Variants in CRTC2 observed in about 807,000 individuals in gnomAD.
The protein encoded by CRTC2 is CREB-regulated transcription coactivator 2.
CRTC2 carries 25 observed loss-of-function variants against 70.9 expected under a neutral mutation model. The ratio of observed to expected loss-of-function variants is 0.35; its 90% CI spans 0.26 to 0.49. CRTC2 has a LOEUF of 0.49. Among genes scored for constraint, CRTC2 ranks in the 20% least tolerant of loss-of-function variants. The pLI, the probability that CRTC2 is intolerant of heterozygous loss-of-function variation, is 0.98. For missense variants in CRTC2, 737 were observed against 882.6 expected (o/e 0.83, Z 2.09); for synonymous variants, 330 against 364.1 (o/e 0.91, Z 1.07).
At chr1:153,950,434 G>T (rs561188765) in intron 11 of CRTC2, among the ~76,000 whole-genome samples, 1 of 152,196 alleles carries the variant, frequency 6.6e-6, no homozygotes, top group Admixed American at 6.5e-5. Context: ...CAAAAGAGGG[G>T]ACCTGAGTAA....
intron 1 of CRTC2, 101 bp downstream of exon 1, chr1:153,958,244 G>C (rs893980480): frequency 2.3e-5 from 34 of 1,508,596 alleles, no homozygotes; most frequent in African/African-American, 2.8e-5. Context: ...CCCCTGCTCT[G>C]TTCCGCCTCC....
rs1042624658 is a variant in CRTC2, at chr1:153,951,439, G to A, written c.1225C>T (p.Pro409Ser). The part of the protein sequence containing the change: ...SSSSSSSTSS[P>S]VLGAPSYPAS... Reference sequence around the variant, plus strand: ...GGGTAAGAGGGGGCGCCCAAAACAGGAGATGAAGTGGAGGAGGAGGAAGAG... The same window carrying A: ...GGGTAAGAGGGGGCGCCCAAAACAGAAGATGAAGTGGAGGAGGAGGAAGAG... Residue 409 changes from proline (P) to serine (S), a missense_variant, in exon 11 of 14, where the codon CCT becomes TCT. Coordinates refer to ENST00000368633, the MANE Select transcript of CRTC2 (RefSeq NM_181715.3). 9 of 1,603,444 alleles carry A rather than the reference G, an allele frequency of 5.6e-6. No homozygotes were observed. Among genetic ancestry groups the A allele is most frequent in the Non-Finnish European group, 7.7e-6 (9 of 1,174,538 alleles).
intron 6 of CRTC2, 159 bp from the exon 7 acceptor site, chr1:153,952,993 C>A: frequency 1.1e-6 from 1 of 875,330 alleles, no homozygotes. Context: ...ACCAGCCTGG[C>A]CAAGATGGTG....
intron 1 of CRTC2, chr1:153,957,918 G>A: frequency 1.5e-5 from 8 of 544,448 alleles, no homozygotes; most frequent in Non-Finnish European, 1.9e-5. Context: ...AGAAGGCAGA[G>A]GGACCAGTTT....
chr1:153,953,425 C>A, intron 5 of CRTC2, 56 bp from the exon 6 acceptor site: 1 of 1,527,608 alleles, frequency 6.5e-7, no homozygotes, highest in Non-Finnish European at 9.0e-7. Context: ...GGTCCCTAAG[C>A]CCTGCCCAGC....
In CRTC2 at chr1:153,958,536, AGCCGCGGCCTCC is replaced by A. The variant is rs756761053; in HGVS notation, c.-51_-40del. On this transcript the variant is annotated 5_prime_UTR_variant, in exon 1 of 14. Transcript: ENST00000368633. Reference sequence around the variant, plus strand: ...CCCTCCCTGCCACCCTCCCAGTACCAGCCGCGGCCTCCGCCGCGGCCTCGGCCCGGCTCCTCC... The same window carrying A: ...CCCTCCCTGCCACCCTCCCAGTACCAGCCGCGGCCTCGGCCCGGCTCCTCC... 270 of 1,548,294 alleles carry A rather than the reference AGCCGCGGCCTCC, an allele frequency of 1.7e-4. No individual in the cohort carries two copies. The highest frequency in any genetic ancestry group is 3.9e-4 in the Middle Eastern group (2 of 5,090).
rs1225912296 is a variant in CRTC2 at position 153,958,584 on chromosome 1, A to T, written c.-87T>A. The T allele has an allele frequency of 7.4e-7, 1 of 1,352,428 alleles. No homozygotes were observed. Among genetic ancestry groups the T allele is most frequent in the African/African-American group, 1.5e-5 (1 of 67,216 alleles). The allele number at this position is 1,352,428 out of a possible 1,614,324, so 83.8% of individuals were successfully genotyped here. ...CGGCCCGGCTCCTCCAGCCGTAGCC[A>T]CCGCCGCCTCAGCGAGCACCGCGAA... On this transcript the variant is annotated 5_prime_UTR_variant, in exon 1 of 14. Coordinates refer to ENST00000368633, the MANE Select transcript of CRTC2 (RefSeq NM_181715.3).
chr1:153,953,939 G>A (rs752151961), intron 4 of CRTC2, among the ~76,000 whole-genome samples: 2 of 152,084 alleles, frequency 1.3e-5, no homozygotes, highest in Non-Finnish European at 2.9e-5. Flanking sequence ...ACCCACCCTT[G>A]ACAGAAGGTT....
In CRTC2 at chr1:153,955,287, G is replaced by A. The variant is rs1050906567; in HGVS notation, c.154-121C>T. ...CCGCCACTGCTTTTAAAATATCTAG[G>A]CCAGGCACAGTAGCTCACACCTGTA... is the stretch of plus-strand genomic sequence containing the variant. On this transcript the variant is annotated intron_variant, in intron 1 of 13. Transcript: ENST00000368633. The A allele has an allele frequency of 1.5e-5, 11 of 753,590 alleles. No individual in the cohort carries two copies. In the Admixed American group the frequency reaches 2.3e-4, roughly 16 times the overall value. The allele number at this position is 753,590 out of a possible 1,614,324, so 46.7% of individuals were successfully genotyped here.
chr1:153,949,325 G>A lies in CRTC2; in HGVS notation c.1464C>T (p.Tyr488=), dbSNP rs1446799278. The A allele has an allele frequency of 6.2e-6, 10 of 1,614,026 alleles. No homozygotes were observed. The highest frequency in any genetic ancestry group is 8.5e-6 in the Non-Finnish European group (10 of 1,180,018). ...TAGGCAGAACCAGACTTGGGGAGCT[G>A]TATGGGTATGGGGGTAACCGCTGGT... The part of the protein sequence containing the change: ...STDQRLPPYP[Y]SSPSLVLPTQ... The change falls in exon 12 of 14, where the codon TAC becomes TAT. Residue 488 remains tyrosine, a synonymous_variant. Transcript: ENST00000368633.
intron 12 of CRTC2, 89 bp from the exon 13 acceptor site, chr1:153,948,733 C>A: frequency 7.2e-7 from 1 of 1,396,972 alleles, no homozygotes; most frequent in South Asian, 1.2e-5. Flanking sequence ...TGCCCAGCAA[C>A]CTTCATCCAC....
chr1:153,957,966 C>T, intron 1 of CRTC2: 1 of 973,608 alleles, frequency 1.0e-6, no homozygotes, highest in Non-Finnish European at 1.3e-6. Flanking sequence ...AGGTTACAGA[C>T]AAGCAGCCCT....
chr1:153,954,377 A>C, intron 3 of CRTC2, 61 bp from the exon 4 acceptor site: 8 of 1,123,942 alleles, frequency 7.1e-6, no homozygotes, highest in Non-Finnish European at 1.1e-5. Context: ...CAAATGAGGA[A>C]AGAACAATGA....
chr1:153,951,965 A>C (rs1680345655), intron 10 of CRTC2, 53 bp downstream of exon 10: 4 of 1,577,068 alleles, frequency 2.5e-6, no homozygotes, highest in Non-Finnish European at 3.4e-6. Flanking sequence ...CCTCCCCTTC[A>C]TCCCTCCAGT....
chr1:153,954,897 G>A lies in CRTC2; in HGVS notation c.348C>T (p.Ser116=). 6.2e-7 allele frequency: 1 copy of A among 1,613,482 alleles called. No homozygotes were observed. The highest frequency in any genetic ancestry group is 8.5e-7 in the Non-Finnish European group (1 of 1,179,994). The change falls in exon 3 of 14, where the codon TCC becomes TCT. Residue 116 remains serine, a synonymous_variant. Transcript: ENST00000368633. The part of the protein sequence containing the change: ...RVQRDPRRMV[S]PLRRYTRHID... ...TGTGGCGGGTGTATCGGCGAAGTGG[G>A]GACACCATTCTTCGAGGATCTCGCT...
At chr1:153,958,027 G>A in intron 1 of CRTC2, 8 of 1,235,664 alleles carry the variant, frequency 6.5e-6, no homozygotes, top group Non-Finnish European at 8.2e-6. Context: ...CGTCCTCGAG[G>A]GGACTCCGTC....
chr1:153,948,110 C>T lies in CRTC2; in HGVS notation c.2081G>A (p.Ter694=). Residue 694 remains the stop codon, a stop_retained_variant, in exon 14 of 14, where the codon TGA becomes TAA. Coordinates refer to ENST00000368633, the MANE Select transcript of CRTC2 (RefSeq NM_181715.3). ...AAGAGGGATGGTGATGAGGTGCCCT[C>T]ATTGGAGCCGGTCACTGCGGAATGA... ...EESFRSDRLQ[*] is the part of the protein sequence containing the mutation. The T allele has an allele frequency of 6.2e-7, 1 of 1,614,052 alleles. No individual in the cohort carries two copies. The highest frequency in any genetic ancestry group is 8.5e-7 in the Non-Finnish European group (1 of 1,179,974).
chr1:153,954,255 C>T lies in CRTC2; in HGVS notation c.434G>A (p.Arg145Lys). ...GCTTCTGCCCGCCCTGGACACTTAC[C>T]TTCGCCAGCTAGACTCTGGGGGAGG... Reference protein sequence around the residue: ...LSPPPESSWRRTMAWGNFPAE... With the variant: ...LSPPPESSWRKTMAWGNFPAE... Residue 145 changes from arginine (R) to lysine (K), a missense_variant and splice_region_variant, in exon 4 of 14, where the codon AGG becomes AAG. Coordinates refer to ENST00000368633, the MANE Select transcript of CRTC2 (RefSeq NM_181715.3). The T allele has an allele frequency of 6.2e-7, 1 of 1,611,354 alleles. No homozygotes were observed. Among genetic ancestry groups the T allele is most frequent in the Non-Finnish European group, 8.5e-7 (1 of 1,178,332 alleles).
At position 153,952,098 on chromosome 1, in the gene CRTC2, C is replaced by A. The variant is rs748774074; in HGVS notation, c.917G>T (p.Ser306Ile). ...CATGGTGTGGGTCAAATTGGAGGTA[C>A]TGTTGCCCCCACTCAGGCTAGGGTA... Reference protein sequence around the residue: ...TAYPSLSGGNSTSNLTHTMTH... With the variant: ...TAYPSLSGGNITSNLTHTMTH... Residue 306 changes from serine (S) to isoleucine (I), a missense_variant, in exon 10 of 14, where the codon AGT becomes ATT. Physicochemically the swap from Ser to Ile is moderately radical, Grantham distance 142. This residue lies in a region of CRTC2 where 699 missense variants were observed against 823.7 expected (regional missense o/e 0.85). Coordinates refer to ENST00000368633, the MANE Select transcript of CRTC2 (RefSeq NM_181715.3). 6.2e-7 allele frequency: 1 copy of A among 1,614,086 alleles called. No homozygotes were observed. The highest frequency in any genetic ancestry group is 1.1e-5 in the South Asian group (1 of 91,076).
Sources: gnomAD v4.1 joint callset for allele counts (sites outside exome capture counted in the v4.1 genomes callset) on GRCh38, gnomAD v4.1.1 for gene constraint, gnomAD v4.1.1 regional missense constraint, MANE v1.5 for transcripts, NCBI Gene and HGNC (gene_info 2026-07-23, HGNC 2026-07-21) for gene names.